The following NR2F1-AS1 variants were observed in gnomAD, a reference collection of about 807,000 sequenced individuals.
NR2F1-AS1 encodes the protein NR2F1 antisense RNA 1.
chr5:93,411,017 A>C (rs1351930954), intron 4 of NR2F1-AS1: 1 of 152,198 alleles, frequency 6.6e-6, no homozygotes, highest in Non-Finnish European at 1.5e-5. Context: ...AACACAGAAT[A>C]TACTTTTCCA....
At chr5:93,467,206 C>T (rs554780615) in intron 4 of NR2F1-AS1, among the ~76,000 whole-genome samples, 1 of 152,196 alleles carries the variant, frequency 6.6e-6, no homozygotes, top group Non-Finnish European at 1.5e-5. Context: ...GTCCATATTG[C>T]CCAAAGTAAT....
intron 4 of NR2F1-AS1, among the ~76,000 whole-genome samples, chr5:93,532,078 T>C (rs1580308914): frequency 6.6e-6 from 1 of 152,234 alleles, no homozygotes; most frequent in African/African-American, 2.4e-5. Context: ...AATCAAAATA[T>C]CTTACTAGAC....
intron 4 of NR2F1-AS1, among the ~76,000 whole-genome samples, chr5:93,491,020 G>A (rs1025543098): frequency 1.3e-5 from 2 of 149,734 alleles, no homozygotes; most frequent in Non-Finnish European, 3.0e-5. Context: ...GGGAGTGGTG[G>A]TGGTGGTAGT....
rs937450873 is a variant in NR2F1-AS1, at chr5:93,468,190, A to T, written n.639-72648T>A. ...TACCCAGTAATGGGATGGCTGGGTC[A>T]AATGGTATTTCTAGTTCTAGATCCT... On this transcript the variant is annotated intron_variant and non_coding_transcript_variant, in intron 4 of 5. Coordinates refer to ENST00000660523, the Ensembl canonical transcript of NR2F1-AS1. Among the ~76,000 whole-genome samples, 72 of 152,330 alleles carry T rather than the reference A, an allele frequency of 4.7e-4. 1 individual carries two copies. Among genetic ancestry groups the T allele is most frequent in the African/African-American group, 1.6e-3 (68 of 41,578 alleles).
intron 4 of NR2F1-AS1, among the ~76,000 whole-genome samples, chr5:93,525,563 T>G (rs1293877557): frequency 1.3e-5 from 2 of 152,196 alleles, no homozygotes; most frequent in Admixed American, 1.3e-4. Flanking sequence ...TACCTTCTTC[T>G]CAGCACCACA....
intron 4 of NR2F1-AS1, among the ~76,000 whole-genome samples, chr5:93,418,694 T>C (rs950463814): frequency 6.6e-6 from 1 of 152,338 alleles, no homozygotes; most frequent in African/African-American, 2.4e-5. Context: ...ACCCCTTATC[T>C]GTGTTACCTG....
intron 4 of NR2F1-AS1, among the ~76,000 whole-genome samples, chr5:93,443,275 C>A (rs1749615421): frequency 6.6e-6 from 1 of 152,048 alleles, no homozygotes. Context: ...TGTTTGAACC[C>A]ATCACAAAGA....
At chr5:93,564,097 G>A (rs546223052) in intron 1 of NR2F1-AS1, among the ~76,000 whole-genome samples, 68 of 63,312 alleles carry the variant, frequency 1.1e-3, no homozygotes, top group African/African-American at 3.3e-3. Flanking sequence ...GCCAGACTCC[G>A]TCTCAAAAAA....
chr5:93,545,829 TG>T (rs984428516), intron 4 of NR2F1-AS1, among the ~76,000 whole-genome samples: 4 of 152,192 alleles, frequency 2.6e-5, no homozygotes, highest in Non-Finnish European at 5.9e-5. Flanking sequence ...TCATACTACT[TG>T]GGAGACAAAG....
intron 4 of NR2F1-AS1, among the ~76,000 whole-genome samples, chr5:93,484,771 T>C (rs1459326940): frequency 2.0e-5 from 2 of 99,046 alleles, no homozygotes; most frequent in South Asian, 5.5e-4. Context: ...ACCAAGCAAA[T>C]GGAAAGCAAA....
chr5:93,570,427 G>A (rs1434177847), intron 1 of NR2F1-AS1: 3 of 152,702 alleles, frequency 2.0e-5, no homozygotes, highest in Non-Finnish European at 4.4e-5. Flanking sequence ...GGCTAAATGG[G>A]GAAGTTGTAA....
chr5:93,471,829 A>G (rs1452098748), intron 4 of NR2F1-AS1, among the ~76,000 whole-genome samples: 2 of 151,908 alleles, frequency 1.3e-5, no homozygotes, highest in African/African-American at 4.8e-5. Flanking sequence ...AATAATTATC[A>G]ATAATCAAAT....
intron 1 of NR2F1-AS1, among the ~76,000 whole-genome samples, chr5:93,572,145 C>G (rs936488349): frequency 2.0e-5 from 3 of 152,224 alleles, no homozygotes; most frequent in African/African-American, 7.2e-5. Flanking sequence ...AATACAGCCA[C>G]GTGCTCGGGG....
chr5:93,444,578 T>C (rs1273893937), intron 4 of NR2F1-AS1, among the ~76,000 whole-genome samples: 1 of 152,132 alleles, frequency 6.6e-6, no homozygotes, highest in South Asian at 2.1e-4. Context: ...CAAAGAGATG[T>C]ACACTCCCAC....
At chr5:93,572,904 CGGA>C (rs1328976985) in intron 1 of NR2F1-AS1, among the ~76,000 whole-genome samples, 2 of 152,222 alleles carry the variant, frequency 1.3e-5, no homozygotes, top group African/African-American at 4.8e-5. Context: ...CCGGCGGGGC[CGGA>C]TCCTCCGCTT....
At chr5:93,527,723 C>G (rs1286297934) in intron 4 of NR2F1-AS1, among the ~76,000 whole-genome samples, 3 of 152,042 alleles carry the variant, frequency 2.0e-5, no homozygotes, top group Non-Finnish European at 4.4e-5. Context: ...CTTTGACAAA[C>G]CTGACAAAAA....
intron 4 of NR2F1-AS1, among the ~76,000 whole-genome samples, chr5:93,412,185 T>C (rs566765462): frequency 1.8e-4 from 27 of 152,316 alleles, no homozygotes; most frequent in African/African-American, 4.8e-4. Flanking sequence ...TCAGGGGCTG[T>C]TGTCTCTCTG....
intron 4 of NR2F1-AS1, among the ~76,000 whole-genome samples, chr5:93,474,943 G>A (rs986735466): frequency 2.0e-5 from 3 of 152,080 alleles, no homozygotes; most frequent in Non-Finnish European, 4.4e-5. Context: ...GGCTAACACG[G>A]TGAAACCCCG....
intron 4 of NR2F1-AS1, among the ~76,000 whole-genome samples, chr5:93,428,673 A>G (rs1247653302): frequency 2.6e-5 from 4 of 152,274 alleles, no homozygotes; most frequent in Non-Finnish European, 1.5e-5. Context: ...AAATGTTTGG[A>G]TATCTAGGGA....
Sources: allele counts gnomAD v4.1 joint callset (sites outside exome capture counted in the v4.1 genomes callset), GRCh38; gene constraint gnomAD v4.1.1; transcripts MANE v1.5; gene names NCBI Gene and HGNC (gene_info 2026-07-23, HGNC 2026-07-21).